ADAM18: variants seen among roughly 807,000 people sequenced by gnomAD.
ADAM18 encodes ADAM metallopeptidase domain 18.
A neutral mutation model predicts 94.4 loss-of-function variants in ADAM18; 117 were observed. That is an observed-to-expected ratio of 1.24 (90% CI 1.07 to 1.45). The LOEUF (loss-of-function observed/expected upper bound fraction) is 1.45, where lower values mean the gene tolerates loss of function less well. Among genes scored for constraint, ADAM18 ranks in the 40% most tolerant of loss-of-function variants. The pLI is 0.00. For synonymous variants in ADAM18, 327 were observed against 291.6 expected (o/e 1.12, Z -1.24); for missense variants, 936 against 880.0 (o/e 1.06, Z -0.81).
intron 17 of ADAM18, 35 bp downstream of exon 17, chr8:39,692,715 C>T (rs1821816923): frequency 6.6e-7 from 1 of 1,504,970 alleles, no homozygotes; most frequent in Non-Finnish European, 9.2e-7. Flanking sequence ...GCATGTTATT[C>T]TTGTGGGTAA....
rs116734816 is a variant in ADAM18, at chr8:39,656,482, T to C, written c.1231-7313T>C. Among the ~76,000 whole-genome samples the C allele has an allele frequency of 5.2e-3, 798 of 152,278 alleles. 4 individuals are homozygous for C. Among genetic ancestry groups the C allele is most frequent in the African/African-American group, 0.018 (735 of 41,560 alleles). On this transcript the variant is annotated intron_variant, in intron 12 of 19. Coordinates refer to ENST00000265707, the MANE Select transcript of ADAM18 (RefSeq NM_014237.3). ...TTTATATATAGAACCTAATTTCAGA[T>C]ATATTGTTGATAAATGTGTAAAGGT...
intron 2 of ADAM18, among the ~76,000 whole-genome samples, chr8:39,590,329 G>C (rs1024282583): frequency 1.4e-4 from 21 of 152,054 alleles, no homozygotes; most frequent in Non-Finnish European, 2.5e-4. Context: ...GTAAACTATC[G>C]CAAGAACAAA....
At chr8:39,691,996 T>C (rs1477648067) in intron 16 of ADAM18, among the ~76,000 whole-genome samples, 1 of 151,446 alleles carries the variant, frequency 6.6e-6, no homozygotes, top group Non-Finnish European at 1.5e-5. Flanking sequence ...CACTTTGAAA[T>C]AAAAAAGAAG....
intron 12 of ADAM18, among the ~76,000 whole-genome samples, chr8:39,656,587 A>G (rs1029074250): frequency 3.9e-5 from 6 of 152,232 alleles, no homozygotes; most frequent in African/African-American, 1.4e-4. Flanking sequence ...ATTACCTAAT[A>G]TTTACAAATT....
intron 18 of ADAM18, among the ~76,000 whole-genome samples, chr8:39,709,451 A>G (rs1295605805): frequency 6.6e-6 from 1 of 152,172 alleles, no homozygotes. Flanking sequence ...CATTCAAGTG[A>G]GAAAACAGGG....
Position 39,680,076 on chromosome 8 carries a change from T to C in ADAM18, c.1671T>C (p.His557=). 6.2e-7 allele frequency: 1 copy of C among 1,613,822 alleles called. No individual in the cohort carries two copies. The highest frequency in any genetic ancestry group is 8.5e-7 in the Non-Finnish European group (1 of 1,179,854). The change falls in exon 16 of 20, where the codon CAT becomes CAC. Residue 557 remains histidine (H), a synonymous_variant. Coordinates refer to ENST00000265707, the MANE Select transcript of ADAM18 (RefSeq NM_014237.3). ...LCGKLACVQP[H]KNANKSDAQS... is the part of the protein sequence containing the mutation. ...GAAAATTAGCTTGTGTTCAGCCACA[T>C]AAAAATGCTAATAAAAGTGACGCTC...
In ADAM18 at chr8:39,715,541, T is replaced by C. The variant is rs534730884; in HGVS notation, c.2018-8207T>C. ...TGGTTCTTTGAAAACATCAGTTACA[T>C]TGATAAACCTCTGGCCATACCAAGA... On this transcript the variant is annotated intron_variant, in intron 18 of 19. Transcript: ENST00000265707. Among the ~76,000 whole-genome samples the C allele has an allele frequency of 1.7e-4, 25 of 150,686 alleles. 1 individual carries two copies. In the South Asian group the frequency reaches 4.4e-3, roughly 26 times the overall value.
intron 2 of ADAM18, among the ~76,000 whole-genome samples, chr8:39,597,087 G>A (rs2129458179): frequency 6.6e-6 from 1 of 152,222 alleles, no homozygotes; most frequent in Middle Eastern, 3.4e-3. Flanking sequence ...CTTATTTGAT[G>A]AGATGTCTGT....
intron 6 of ADAM18, among the ~76,000 whole-genome samples, chr8:39,626,672 T>G (rs1819779050): frequency 2.0e-5 from 3 of 152,108 alleles, no homozygotes. Flanking sequence ...CCAAAATCAT[T>G]CAGGATCAGA....
chr8:39,646,558 T>C (rs1305931604), intron 11 of ADAM18, among the ~76,000 whole-genome samples: 1 of 152,106 alleles, frequency 6.6e-6, no homozygotes, highest in Admixed American at 6.6e-5. Context: ...GTATGGATGG[T>C]GAGAGAAAGA....
chr8:39,621,306 AAATCAC>A (rs1418708189), intron 6 of ADAM18, among the ~76,000 whole-genome samples: 1 of 131,972 alleles, frequency 7.6e-6, no homozygotes, highest in Non-Finnish European at 1.6e-5. Flanking sequence ...ATGCATGACA[AAATCAC>A]ACACACACAC....
chr8:39,628,723 A>AT (rs1225420622), intron 6 of ADAM18, among the ~76,000 whole-genome samples: 1 of 152,062 alleles, frequency 6.6e-6, no homozygotes, highest in Non-Finnish European at 1.5e-5. Flanking sequence ...AATAAAGCTC[A>AT]TGTAAAATTA....
At chr8:39,718,161 T>G (rs978821182) in intron 18 of ADAM18, among the ~76,000 whole-genome samples, 2 of 151,062 alleles carry the variant, frequency 1.3e-5, no homozygotes, top group African/African-American at 4.9e-5. Context: ...AGTATGGAGG[T>G]TCCTCAAAAA....
At chr8:39,609,623 T>C (rs1819204746) in intron 5 of ADAM18, 62 bp downstream of exon 5, 1 of 1,158,956 alleles carries the variant, frequency 8.6e-7, no homozygotes, top group South Asian at 1.4e-5. Flanking sequence ...AAAACAAAAC[T>C]TAGTGACTAG....
chr8:39,634,408 A>G (rs1010118701), intron 7 of ADAM18, among the ~76,000 whole-genome samples: 9 of 152,126 alleles, frequency 5.9e-5, no homozygotes, highest in African/African-American at 2.2e-4. Context: ...AGGAAGGAAC[A>G]CCTGGGAAAG....
intron 6 of ADAM18, among the ~76,000 whole-genome samples, chr8:39,616,990 T>C (rs1241511740): frequency 1.3e-5 from 2 of 152,082 alleles, no homozygotes; most frequent in African/African-American, 4.8e-5. Flanking sequence ...CCAAAAGCAA[T>C]TGTAACAAAA....
intron 6 of ADAM18, among the ~76,000 whole-genome samples, chr8:39,623,670 C>A (rs901041825): frequency 2.0e-5 from 3 of 152,256 alleles, no homozygotes; most frequent in African/African-American, 7.2e-5. Flanking sequence ...GATCTCGGCT[C>A]ACTGCAAGCT....
intron 18 of ADAM18, among the ~76,000 whole-genome samples, chr8:39,714,478 A>G (rs937452911): frequency 6.6e-6 from 1 of 152,142 alleles, no homozygotes; most frequent in African/African-American, 2.4e-5. Flanking sequence ...GTATATCAGA[A>G]GAAATTTAAT....
At position 39,663,734 on chromosome 8, in the gene ADAM18, T is replaced by G. The variant is rs925037863; in HGVS notation, c.1231-61T>G. 10 of 1,088,514 alleles carry G rather than the reference T, an allele frequency of 9.2e-6. No homozygotes were observed. The South Asian group carries it at 9.4e-5, about 10-fold the overall frequency. The allele number at this position is 1,088,514 out of a possible 1,614,324, so 67.4% of individuals were successfully genotyped here. A position where few individuals can be genotyped will look rare whatever the true frequency, so the allele number is the denominator to read the frequency against. ...CAGAATATTAAATTGAAATTGAGATTAAGAAACAAGAGCTTTTAAGTGGTT... is the reference window on the plus strand; with the variant it reads ...CAGAATATTAAATTGAAATTGAGATGAAGAAACAAGAGCTTTTAAGTGGTT... On this transcript the variant is annotated intron_variant, in intron 12 of 19. Coordinates refer to ENST00000265707, the MANE Select transcript of ADAM18 (RefSeq NM_014237.3).
Sources: gnomAD v4.1 joint callset for allele counts (sites outside exome capture counted in the v4.1 genomes callset) on GRCh38, gnomAD v4.1.1 for gene constraint, MANE v1.5 for transcripts, NCBI Gene and HGNC (gene_info 2026-07-23, HGNC 2026-07-21) for gene names.